The following LRPPRC variants were observed in gnomAD, a reference collection of about 807,000 sequenced individuals.
LRPPRC encodes the protein leucine rich pentatricopeptide repeat containing.
In LRPPRC, 120 loss-of-function variants were observed where a neutral mutation model predicts 180.3. The observed-to-expected ratio is 0.67, with a 90% CI of 0.57 to 0.77. LRPPRC has a LOEUF of 0.77. Ranked by LOEUF, LRPPRC falls within the 30% of genes least tolerant of loss-of-function variation. The pLI, the probability that LRPPRC is intolerant of heterozygous loss-of-function variation, is 0.00. For missense variants in LRPPRC, 2,012 were observed against 1,657.2 expected, an observed-to-expected ratio of 1.21 and a Z score of -3.72; for synonymous variants, 723 against 600.0, an observed-to-expected ratio of 1.21 and a Z score of -3.00.
chr2:43,959,576 T>G (rs1430915482), intron 13 of LRPPRC, among the ~76,000 whole-genome samples: 1 of 152,130 alleles, frequency 6.6e-6, no homozygotes, highest in Non-Finnish European at 1.5e-5. Context: ...TGTTAAAAAA[T>G]AAGGTCTCTT....
chr2:43,973,155 C>T (rs974572477), intron 11 of LRPPRC, among the ~76,000 whole-genome samples: 1 of 152,136 alleles, frequency 6.6e-6, no homozygotes, highest in African/African-American at 2.4e-5. Context: ...TAAAAGTTTT[C>T]CTGCCTTTCC....
rs932075518 is a variant in LRPPRC at position 43,950,557 on chromosome 2, T to C, written c.1677+16A>G. 6 of 1,609,398 alleles carry C rather than the reference T, an allele frequency of 3.7e-6. No individual in the cohort carries two copies. In the African/African-American group the frequency reaches 5.4e-5, roughly 14 times the overall value. ...GTTAAAAGCACCTTATGATTTGCAATATTAGAGGGACTTACCTCGCTCCAA... is the reference window on the plus strand; with the variant it reads ...GTTAAAAGCACCTTATGATTTGCAACATTAGAGGGACTTACCTCGCTCCAA... On this transcript the variant is annotated intron_variant, in intron 15 of 37. Coordinates refer to ENST00000260665, the MANE Select transcript of LRPPRC (RefSeq NM_133259.4).
At chr2:43,971,900 C>A (rs1673831501) in intron 11 of LRPPRC, among the ~76,000 whole-genome samples, 1 of 152,158 alleles carries the variant, frequency 6.6e-6, no homozygotes, top group Admixed American at 6.6e-5. Flanking sequence ...GTAAAACTGA[C>A]AATCTTTTGC....
At chr2:43,996,143 A>G, upstream of LRPPRC, 1 of 545,138 alleles carries the variant, frequency 1.8e-6, no homozygotes, top group Non-Finnish European at 3.2e-6. Context: ...TATTTACATA[A>G]ACGATGTTGC....
Position 43,889,819 on chromosome 2 carries a change from T to C in LRPPRC, c.4043A>G (p.Asn1348Ser), listed in dbSNP as rs774548931. Reference protein sequence around the residue: ...KALYEHLTAKNTKLDDLFLKR... With the variant: ...KALYEHLTAKSTKLDDLFLKR... ...TAGAAACAGATCATCCAATTTTGTA[T>C]TCTTTGCAGTCAAATGTTCATACAG... The change falls in exon 37 of 38, where the codon AAT (asparagine) becomes AGT (serine). Residue 1348 changes from asparagine (N) to serine (S), a missense_variant. Transcript: ENST00000260665. 1.2e-6 allele frequency: 2 copies of C among 1,610,176 alleles called. No homozygotes were observed. The highest frequency in any genetic ancestry group is 1.3e-5 in the African/African-American group (1 of 75,004).
At chr2:43,932,297 G>A (rs934375497) in intron 25 of LRPPRC, among the ~76,000 whole-genome samples, 4 of 151,910 alleles carry the variant, frequency 2.6e-5, no homozygotes, top group African/African-American at 9.7e-5. Flanking sequence ...CTTATGACTG[G>A]TTTATCTAAT....
intron 1 of LRPPRC, among the ~76,000 whole-genome samples, chr2:43,986,437 G>A (rs982390241): frequency 1.3e-5 from 2 of 152,006 alleles, no homozygotes; most frequent in South Asian, 4.2e-4. Context: ...GGCCATACAC[G>A]TTCTTAAAAC....
chr2:43,892,805 A>AT (rs759720330), intron 36 of LRPPRC: 3 of 152,024 alleles, frequency 2.0e-5, no homozygotes, highest in Non-Finnish European at 4.4e-5. Flanking sequence ...TAAACATAAA[A>AT]TTAAAAAAAA....
chr2:43,944,515 CAA>C (rs55673363), intron 22 of LRPPRC, among the ~76,000 whole-genome samples: 1 of 151,962 alleles, frequency 6.6e-6, no homozygotes, highest in Admixed American at 6.6e-5. Context: ...GACCACTTTA[CAA>C]AAAGTGATTT....
At chr2:43,908,006 T>C (rs909343617) in intron 30 of LRPPRC, among the ~76,000 whole-genome samples, 2 of 152,188 alleles carry the variant, frequency 1.3e-5, no homozygotes, top group Admixed American at 1.3e-4. Flanking sequence ...TGTGCTTACA[T>C]AATATGCAGA....
chr2:43,993,300 T>C (rs1437642269), intron 1 of LRPPRC, among the ~76,000 whole-genome samples: 1 of 152,222 alleles, frequency 6.6e-6, no homozygotes, highest in Non-Finnish European at 1.5e-5. Flanking sequence ...TAGTTTATTG[T>C]TCCCACCACC....
intron 1 of LRPPRC, among the ~76,000 whole-genome samples, chr2:43,990,380 G>C (rs543413707): frequency 6.6e-6 from 1 of 152,072 alleles, no homozygotes; most frequent in Non-Finnish European, 1.5e-5. Context: ...CTCGTTGAAG[G>C]CCTATTACTG....
chr2:43,898,057 C>T (rs1200538649), intron 34 of LRPPRC, among the ~76,000 whole-genome samples: 1 of 126,688 alleles, frequency 7.9e-6, no homozygotes, highest in Non-Finnish European at 1.6e-5. Flanking sequence ...CATAAACTGC[C>T]TTTTCCTTAA....
At chr2:43,952,695 C>A (rs771225753) in intron 14 of LRPPRC, among the ~76,000 whole-genome samples, 10 of 152,168 alleles carry the variant, frequency 6.6e-5, no homozygotes, top group Non-Finnish European at 1.5e-4. Flanking sequence ...TAAAGACAAT[C>A]CTGCATGTAC....
At chr2:43,939,110 A>C (rs2105068531) in intron 23 of LRPPRC, among the ~76,000 whole-genome samples, 1 of 102,482 alleles carries the variant, frequency 9.8e-6, no homozygotes, top group East Asian at 8.9e-4. Context: ...GTCTCCACTA[A>C]AAATACAAAA....
intron 29 of LRPPRC, among the ~76,000 whole-genome samples, chr2:43,914,275 C>T (rs1558927860): frequency 6.6e-6 from 1 of 151,996 alleles, no homozygotes; most frequent in South Asian, 2.1e-4. Flanking sequence ...TATACCAAAC[C>T]CATTCACCGC....
At chr2:43,938,776 A>T (rs911891871) in intron 23 of LRPPRC, among the ~76,000 whole-genome samples, 12 of 152,226 alleles carry the variant, frequency 7.9e-5, no homozygotes, top group Non-Finnish European at 5.9e-5. Flanking sequence ...CTACTTTGAG[A>T]TACCAAGAAA....
Position 43,925,122 on chromosome 2 carries a change from C to G in LRPPRC, c.2841G>C (p.Gln947His), listed in dbSNP as rs781591776. The change falls in exon 27 of 38, where the codon CAG (glutamine) becomes CAC (histidine). Residue 947 changes from glutamine to histidine, a missense_variant. Gln to His is a conservative substitution (Grantham distance 24). Transcript: ENST00000260665. ...ETLEKLVELT[Q>H]KLFECDRDQM... is the part of the protein sequence containing the mutation. ...GGTCTCTATCACATTCAAATAGCTT[C>G]TGTGTCAGCTCCACTAATTTTTCCA... 4.4e-6 allele frequency: 7 copies of G among 1,602,404 alleles called. No homozygotes were observed. In the Admixed American group the frequency reaches 1.2e-4, roughly 27 times the overall value.
rs1227850976 is a variant in LRPPRC at position 43,995,719 on chromosome 2, G to A, written c.149+80C>T. On this transcript the variant is annotated intron_variant, in intron 1 of 37. Transcript: ENST00000260665. ...GGAGAAGGGTGGCGAGCACAGGCAG[G>A]ACCCGGTCCCTGCCGGCACCCACGA... is the stretch of plus-strand genomic sequence containing the variant. 5.5e-6 allele frequency: 7 copies of A among 1,273,412 alleles called. No individual in the cohort carries two copies. The African/African-American group carries it at 6.3e-5, about 12-fold the overall frequency. 78.9% of individuals were successfully genotyped at this position (1,273,412 alleles called of 1,614,324 possible).
Sources: allele counts gnomAD v4.1 joint callset (sites outside exome capture counted in the v4.1 genomes callset), GRCh38; gene constraint gnomAD v4.1.1; transcripts MANE v1.5; gene names NCBI Gene and HGNC (gene_info 2026-07-23, HGNC 2026-07-21).